Variants in TMPRSS2 observed in about 807,000 individuals in gnomAD.
The protein encoded by TMPRSS2 is transmembrane protease serine 2.
TMPRSS2 carries 59 observed loss-of-function variants against 67.4 expected under a neutral mutation model. The ratio of observed to expected loss-of-function variants is 0.88; its 90% CI spans 0.71 to 1.09. The LOEUF is 1.09. TMPRSS2 is among the 50% of genes least tolerant of loss of function. The pLI is 0.00. For synonymous variants in TMPRSS2, 257 were observed against 257.0 expected, an observed-to-expected ratio of 1.00 and a Z score of 0.00; for missense variants, 668 against 642.7, an observed-to-expected ratio of 1.04 and a Z score of -0.43.
chr21:41,507,421 C>T (rs2091465643), intron 1 of TMPRSS2, among the ~76,000 whole-genome samples: 1 of 152,156 alleles, frequency 6.6e-6, no homozygotes. Flanking sequence ...AGCGGGTCGC[C>T]GCAACGGGGC....
chr21:41,475,983 AC>A (rs2091209461), intron 8 of TMPRSS2, among the ~76,000 whole-genome samples: 1 of 151,990 alleles, frequency 6.6e-6, no homozygotes, highest in African/African-American at 2.4e-5. Flanking sequence ...CCACGACAGC[AC>A]TGGGCCATCC....
At chr21:41,492,743 A>G (rs531609155) in intron 3 of TMPRSS2, among the ~76,000 whole-genome samples, 1 of 152,356 alleles carries the variant, frequency 6.6e-6, no homozygotes, top group African/African-American at 2.4e-5. Flanking sequence ...GTCATCATCT[A>G]GTCTTTCCCA....
rs755981745 is a variant in TMPRSS2, at chr21:41,467,712, A to T, written c.1467+22T>A. ...GCTCGAGGAATCGGAGAACACAGTCAGAAGGAGGACAGGATAGTTACCCTC... is the reference window on the plus strand; with the variant it reads ...GCTCGAGGAATCGGAGAACACAGTCTGAAGGAGGACAGGATAGTTACCCTC... On this transcript the variant is annotated intron_variant, in intron 13 of 13. Coordinates refer to ENST00000332149, the MANE Select transcript of TMPRSS2 (RefSeq NM_005656.4). 5 of 1,612,728 alleles carry T rather than the reference A, an allele frequency of 3.1e-6. No homozygotes were observed. The South Asian group carries it at 5.5e-5, about 18-fold the overall frequency.
At chr21:41,486,276 A>C (rs2091297211) in intron 5 of TMPRSS2, among the ~76,000 whole-genome samples, 1 of 152,196 alleles carries the variant, frequency 6.6e-6, no homozygotes, top group Non-Finnish European at 1.5e-5. Flanking sequence ...ACAAGCCTGG[A>C]ATACATGGCT....
chr21:41,464,739 ACAGTGCCAACTGTTTC>A lies in TMPRSS2; in HGVS notation c.*1387_*1402del. On this transcript the variant is annotated 3_prime_UTR_variant, in exon 14 of 14. Transcript: ENST00000332149. ...ATGTGTCTTGGGGAGCAAGCACCTT[ACAGTGCCAACTGTTTC>A]CAAGGTCCCTGGGAATGCTGCTCTC... 4.3e-6 allele frequency: 1 copy of A among 233,360 alleles called. No homozygotes were observed. The highest frequency in any genetic ancestry group is 6.0e-5 in the East Asian group (1 of 16,598). The allele number at this position is 233,360 out of a possible 1,614,324, so 14.5% of individuals were successfully genotyped here. A position where few individuals can be genotyped will look rare whatever the true frequency, so the allele number is the denominator to read the frequency against.
intron 11 of TMPRSS2, among the ~76,000 whole-genome samples, chr21:41,469,703 G>C (rs919872495): frequency 1.3e-5 from 2 of 152,052 alleles, no homozygotes; most frequent in Non-Finnish European, 2.9e-5. Context: ...ACCTCGCTCA[G>C]TTGTTTGTCT....
intron 5 of TMPRSS2, among the ~76,000 whole-genome samples, chr21:41,484,856 G>T (rs1245025250): frequency 6.6e-6 from 1 of 152,094 alleles, no homozygotes; most frequent in Non-Finnish European, 1.5e-5. Flanking sequence ...ACTGTGCCAT[G>T]GTGGGAAAAA....
Position 41,467,793 on chromosome 21 carries a change from T to C in TMPRSS2, c.1408A>G (p.Arg470Gly). Residue 470 changes from arginine to glycine, a missense_variant, in exon 13 of 14, where the codon AGA becomes GGA. Transcript: ENST00000332149. ...ATCACATTCCCGTACACTCCTGGTC[T>C]GTAAGCTTTGGCACAGCCAGAACCC... ...SWGSGCAKAY[R>G]PGVYGNVMVF... is the part of the protein sequence containing the mutation. 6 of 1,614,270 alleles carry C rather than the reference T, an allele frequency of 3.7e-6. No individual in the cohort carries two copies. Among genetic ancestry groups the C allele is most frequent in the Non-Finnish European group, 5.1e-6 (6 of 1,180,050 alleles).
rs1039650353 is a variant in TMPRSS2, at chr21:41,464,979, C to A, written c.*1163G>T. The A allele has an allele frequency of 1.7e-4, 40 of 233,266 alleles. No individual in the cohort carries two copies. The highest frequency in any genetic ancestry group is 8.4e-4 in the African/African-American group (38 of 45,452). 14.4% of individuals were successfully genotyped at this position (233,266 alleles called of 1,614,324 possible). A position where few individuals can be genotyped will look rare whatever the true frequency, so the allele number is the denominator to read the frequency against. ...AGGGACCCTTCCCCTGGTTGGAAAC[C>A]CACAGCATTGGAAGGGACCACAGAG... On this transcript the variant is annotated 3_prime_UTR_variant, in exon 14 of 14. Transcript: ENST00000332149.
At position 41,468,428 on chromosome 21, in the gene TMPRSS2, C is replaced by T. The variant is rs1416299734; in HGVS notation, c.1282G>A (p.Gly428Ser). The change falls in exon 12 of 14, where the codon GGC (glycine) becomes AGC (serine). Residue 428 changes from glycine (G) to serine (S), a missense_variant. Coordinates refer to ENST00000332149, the MANE Select transcript of TMPRSS2 (RefSeq NM_005656.4). The part of the protein sequence containing the change: ...NLITPAMICA[G>S]FLQGNVDSCQ... ...GAATCGACGTTCCCCTGCAGGAAGC[C>T]GGCACAGATCATGGCTGGTGTGATC... is the stretch of plus-strand genomic sequence containing the variant. 7 of 1,614,098 alleles carry T rather than the reference C, an allele frequency of 4.3e-6. No homozygotes were observed. The highest frequency in any genetic ancestry group is 4.2e-6 in the Non-Finnish European group (5 of 1,180,016).
chr21:41,479,120 G>T, intron 7 of TMPRSS2, 52 bp downstream of exon 7: 1 of 1,342,566 alleles, frequency 7.4e-7, no homozygotes, highest in Non-Finnish European at 1.1e-6. Flanking sequence ...TCCCCATGGT[G>T]TCTCCTAGTT....
intron 8 of TMPRSS2, among the ~76,000 whole-genome samples, chr21:41,474,724 A>G (rs570664919): frequency 1 from 46 of 46 alleles, 23 homozygotes; most frequent in Non-Finnish European, 1. Context: ...GAGTGAGGAG[A>G]TGAGGGGGTG....
At chr21:41,489,742 T>C (rs1165586166) in intron 3 of TMPRSS2, 149 bp from the exon 4 acceptor site, 1 of 602,490 alleles carries the variant, frequency 1.7e-6, no homozygotes, top group Non-Finnish European at 2.9e-6. Context: ...TTAAGAAATA[T>C]CATGGACGAT....
chr21:41,494,647 T>C, intron 2 of TMPRSS2, 69 bp from the exon 3 acceptor site: 1 of 1,358,988 alleles, frequency 7.4e-7, no homozygotes, highest in South Asian at 1.2e-5. Flanking sequence ...ATACAAACTA[T>C]CACATCATAC....
rs116606027 is a variant in TMPRSS2, at chr21:41,472,786, G to A, written c.899+539C>T. On this transcript the variant is annotated intron_variant, in intron 9 of 13. Coordinates refer to ENST00000332149, the MANE Select transcript of TMPRSS2 (RefSeq NM_005656.4). The stretch of plus-strand genomic sequence containing the variant: ...GCCAAGTGAGGCCTCCTCCAAAGCA[G>A]CATGTGACCAAAAGCACTATGTGTT... 4.5e-3 allele frequency among the ~76,000 whole-genome samples: 680 copies of A among 152,312 alleles called. 5 individuals carry two copies. The highest frequency in any genetic ancestry group is 0.015 in the African/African-American group (641 of 41,566).
At chr21:41,487,692 C>T (rs1400619993) in intron 5 of TMPRSS2, 2 of 152,118 alleles carry the variant, frequency 1.3e-5, no homozygotes, top group African/African-American at 4.8e-5. Context: ...AATAGATAAA[C>T]CACAGAAAAT....
At chr21:41,506,891 T>G (rs1257985427) in intron 1 of TMPRSS2, among the ~76,000 whole-genome samples, 1 of 152,218 alleles carries the variant, frequency 6.6e-6, no homozygotes, top group African/African-American at 2.4e-5. Flanking sequence ...GCGCTCATCT[T>G]TCCCGCGGGA....
At chr21:41,471,638 G>A (rs467375) in intron 10 of TMPRSS2, among the ~76,000 whole-genome samples, 168 bp downstream of exon 10, 48,921 of 152,034 alleles carry the variant, frequency 0.32, 9,595 homozygotes, top group Non-Finnish European at 0.45. Flanking sequence ...CCCAAAATGC[G>A]GCAGGTGCTC....
chr21:41,473,171 CTT>C (rs2091149767), intron 9 of TMPRSS2, among the ~76,000 whole-genome samples, 152 bp downstream of exon 9: 1 of 152,188 alleles, frequency 6.6e-6, no homozygotes, highest in Non-Finnish European at 1.5e-5. Context: ...CATGAGCGCA[CTT>C]GATGTCTCAC....
Sources: gnomAD v4.1 joint callset for allele counts (sites outside exome capture counted in the v4.1 genomes callset) on GRCh38, gnomAD v4.1.1 for gene constraint, MANE v1.5 for transcripts, NCBI Gene and HGNC (gene_info 2026-07-23, HGNC 2026-07-21) for gene names.